Variants in VPS13B observed in about 807,000 individuals in gnomAD.
The protein encoded by VPS13B is vacuolar protein sorting 13 homolog B.
A neutral mutation model predicts 426.4 loss-of-function variants in VPS13B; 285 were observed. The observed-to-expected ratio is 0.67, with a 90% confidence interval of 0.61 to 0.74. The LOEUF (loss-of-function observed/expected upper bound fraction) is 0.74, where lower values mean the gene tolerates loss of function less well. VPS13B is among the 30% of genes least tolerant of loss of function. VPS13B has a pLI of 0.00. For missense variants in VPS13B, 4,537 were observed against 4,782.6 expected, an observed-to-expected ratio of 0.95 and a Z score of 1.51; for synonymous variants, 1,676 against 1,676.4, an observed-to-expected ratio of 1.00 and a Z score of 0.01.
chr8:99,410,728 G>A (rs754898792), intron 21 of VPS13B, among the ~76,000 whole-genome samples: 27 of 151,998 alleles, frequency 1.8e-4, no homozygotes, highest in African/African-American at 2.9e-4. Flanking sequence ...CCCACCCCAC[G>A]ATGGGGGCCA....
Position 99,254,815 on chromosome 8 carries a change from G to A in VPS13B, c.2516-19383G>A, listed in dbSNP as rs893862918. On this transcript the variant is annotated intron_variant, in intron 17 of 61. Coordinates refer to ENST00000357162, the MANE Select transcript of VPS13B (RefSeq NM_152564.5). ...CCACCACCATGCCTAGCTGATTTTT[G>A]TATTGTTATTAGAGACGGGGTTTCA... 3.3e-5 allele frequency among the ~76,000 whole-genome samples: 5 copies of A among 151,902 alleles called. No homozygotes were observed. The South Asian group carries it at 1.0e-3, about 32-fold the overall frequency.
At chr8:99,557,254 C>T (rs1307293193) in intron 31 of VPS13B, among the ~76,000 whole-genome samples, 1 of 152,016 alleles carries the variant, frequency 6.6e-6, no homozygotes, top group Non-Finnish European at 1.5e-5. Context: ...GTAGTATACA[C>T]TGAGTCCAAT....
chr8:99,120,368 A>G (rs1306124143), intron 7 of VPS13B: 4 of 152,178 alleles, frequency 2.6e-5, no homozygotes, highest in Admixed American at 2.6e-4. Flanking sequence ...AAATTTTTAA[A>G]AAGTAATTTT....
intron 24 of VPS13B, among the ~76,000 whole-genome samples, chr8:99,469,316 A>G (rs1001889341): frequency 1.3e-5 from 2 of 151,908 alleles, no homozygotes; most frequent in Non-Finnish European, 2.9e-5. Context: ...CTATAGACAC[A>G]TGCCACCATG....
chr8:99,521,011 G>A lies in VPS13B; in HGVS notation c.4745+1G>A, dbSNP rs1469729130. ...CTGTCCTTAGGAAAGATATTTACCA[G>A]TAAGTTTATTTTCTTATGTCCAATC... On this transcript the variant is annotated splice_donor_variant, in intron 30 of 61. Coordinates refer to ENST00000357162, the MANE Select transcript of VPS13B (RefSeq NM_152564.5). LOFTEE classifies it high-confidence loss of function. The A allele has an allele frequency of 8.7e-6, 14 of 1,612,448 alleles. No individual in the cohort carries two copies. Among genetic ancestry groups the A allele is most frequent in the Non-Finnish European group, 1.1e-5 (13 of 1,178,804 alleles).
At chr8:99,850,724 G>C (rs1029717710) in intron 55 of VPS13B, among the ~76,000 whole-genome samples, 5 of 152,152 alleles carry the variant, frequency 3.3e-5, no homozygotes, top group Non-Finnish European at 7.3e-5. Context: ...TCAGGAGTTT[G>C]AGATCAGCCT....
chr8:99,661,772 T>C (rs1830235364), intron 35 of VPS13B, among the ~76,000 whole-genome samples: 1 of 152,162 alleles, frequency 6.6e-6, no homozygotes, highest in African/African-American at 2.4e-5. Flanking sequence ...TTCCTATTAA[T>C]TAACTGTATG....
intron 49 of VPS13B, 100 bp from the exon 50 acceptor site, chr8:99,821,194 T>C: frequency 8.9e-7 from 1 of 1,123,868 alleles, no homozygotes. Context: ...GTTACCTTAG[T>C]AGACCTATTA....
intron 3 of VPS13B, among the ~76,000 whole-genome samples, chr8:99,093,353 A>G (rs1846248997): frequency 6.6e-6 from 1 of 151,578 alleles, no homozygotes; most frequent in Non-Finnish European, 1.5e-5. Context: ...TCAAATTTGG[A>G]AATTTTTTTT....
At chr8:99,771,853 C>T (rs932506555) in intron 40 of VPS13B, among the ~76,000 whole-genome samples, 1 of 152,232 alleles carries the variant, frequency 6.6e-6, no homozygotes, top group Non-Finnish European at 1.5e-5. Flanking sequence ...GCTTTGTCAC[C>T]TGTGTTTCTA....
intron 3 of VPS13B, among the ~76,000 whole-genome samples, chr8:99,075,437 T>C (rs753214430): frequency 5.3e-5 from 8 of 152,160 alleles, no homozygotes; most frequent in Non-Finnish European, 1.2e-4. Flanking sequence ...CTCACTATTG[T>C]AAGGATAATT....
intron 54 of VPS13B, among the ~76,000 whole-genome samples, chr8:99,842,646 T>C (rs1274715170): frequency 1.3e-5 from 2 of 152,162 alleles, no homozygotes; most frequent in Non-Finnish European, 2.9e-5. Context: ...CTTCCCACTA[T>C]TTTCTTTGTC....
intron 23 of VPS13B, among the ~76,000 whole-genome samples, chr8:99,452,165 C>A (rs1016678164): frequency 2.0e-5 from 3 of 152,116 alleles, no homozygotes; most frequent in Admixed American, 2.0e-4. Context: ...GCCCTAGTAA[C>A]CTTTCTGTGT....
intron 31 of VPS13B, among the ~76,000 whole-genome samples, chr8:99,565,617 G>T (rs1438050430): frequency 1.3e-5 from 2 of 151,814 alleles, no homozygotes; most frequent in Non-Finnish European, 2.9e-5. Context: ...TTTTATTTTT[G>T]AGACTATTCC....
At chr8:99,555,751 T>C (rs568947186) in intron 30 of VPS13B, among the ~76,000 whole-genome samples, 2 of 152,174 alleles carry the variant, frequency 1.3e-5, no homozygotes, top group Non-Finnish European at 2.9e-5. Context: ...ACTTTACAGA[T>C]TATTTTATTC....
At chr8:99,771,235 T>G (rs996161045) in intron 40 of VPS13B, among the ~76,000 whole-genome samples, 3 of 152,182 alleles carry the variant, frequency 2.0e-5, no homozygotes, top group Non-Finnish European at 4.4e-5. Flanking sequence ...TGCCAAGACT[T>G]TGGTACTTTC....
intron 6 of VPS13B, among the ~76,000 whole-genome samples, chr8:99,114,920 T>C (rs1475929137): frequency 1.3e-5 from 2 of 152,202 alleles, no homozygotes; most frequent in African/African-American, 4.8e-5. Context: ...TACACTGAAG[T>C]TGTGTTTATA....
rs758710347 is a variant in VPS13B at position 99,835,552 on chromosome 8, T to G, written c.9756T>G (p.Phe3252Leu). ...TTAAAATTTCAGATATTCCAAAGTT[T>G]GAGGTTTATTGCAAAAAAATTCCCT... ...IKENIKDIPK[F>L]EVYCKKIPSE... Residue 3252 changes from phenylalanine (F) to leucine (L), a missense_variant, in exon 54 of 62, where the codon TTT becomes TTG. Phe to Leu is a conservative substitution (Grantham distance 22, BLOSUM62 0). Coordinates refer to ENST00000357162, the MANE Select transcript of VPS13B (RefSeq NM_152564.5). The G allele has an allele frequency of 1.4e-5, 22 of 1,614,048 alleles. No individual in the cohort carries two copies. In the Admixed American group the frequency reaches 3.7e-4, roughly 27 times the overall value.
At chr8:99,519,720 A>G (rs1259852103) in intron 29 of VPS13B, among the ~76,000 whole-genome samples, 2 of 146,326 alleles carry the variant, frequency 1.4e-5, no homozygotes, top group Non-Finnish European at 3.0e-5. Context: ...CAAACACCAC[A>G]TGTTCTCACT....
Sources: allele counts gnomAD v4.1 joint callset (sites outside exome capture counted in the v4.1 genomes callset), GRCh38; gene constraint gnomAD v4.1.1; transcripts MANE v1.5; gene names NCBI Gene and HGNC (gene_info 2026-07-23, HGNC 2026-07-21).